USP15: variants seen among roughly 807,000 people sequenced by gnomAD.
USP15 encodes the protein ubiquitin specific peptidase 15.
A neutral mutation model predicts 127.1 loss-of-function variants in USP15; 18 were observed. The ratio of observed to expected loss-of-function variants is 0.14; its 90% CI spans 0.10 to 0.21. USP15 has a LOEUF of 0.21. Ranked by LOEUF, USP15 falls within the 10% of genes least tolerant of loss-of-function variation. The pLI, the probability that USP15 is intolerant of heterozygous loss-of-function variation, is 1.00. For synonymous variants in USP15, 364 were observed against 393.7 expected (o/e 0.92, Z 0.89); for missense variants, 805 against 1,159.9 (o/e 0.69, Z 4.44).
intron 1 of USP15, among the ~76,000 whole-genome samples, chr12:62,290,943 C>G (rs772164621): frequency 2.6e-5 from 4 of 151,968 alleles, no homozygotes; most frequent in Non-Finnish European, 5.9e-5. Context: ...AAATAGAATC[C>G]CAGTCTCTTC....
chr12:62,281,713 G>T (rs2063654763), intron 1 of USP15, among the ~76,000 whole-genome samples: 1 of 150,842 alleles, frequency 6.6e-6, no homozygotes. Flanking sequence ...GAGAAATATG[G>T]TGCCCTTTTT....
intron 20 of USP15, among the ~76,000 whole-genome samples, chr12:62,398,498 T>A (rs1008377875): frequency 6.6e-6 from 1 of 152,250 alleles, no homozygotes; most frequent in Admixed American, 6.5e-5. Flanking sequence ...ACTTCAGATT[T>A]TCATTATCTT....
Position 62,412,779 on chromosome 12 carries a change from C to T in USP15, c.*8404C>T, listed in dbSNP as rs543877494. ...TTTTCACCGCATCTGCAGTTACTGC[C>T]GCCACTGAGGTTTTGAACTTCTCAA... On this transcript the variant is annotated 3_prime_UTR_variant, in exon 22 of 22. Transcript: ENST00000280377. 3.3e-5 allele frequency: 5 copies of T among 152,262 alleles called. No homozygotes were observed. Among genetic ancestry groups the T allele is most frequent in the East Asian group, 3.9e-4 (2 of 5,194 alleles). 9.4% of individuals were successfully genotyped at this position (152,262 alleles called of 1,614,324 possible).
At chr12:62,313,745 T>TA (rs928150598) in intron 3 of USP15, among the ~76,000 whole-genome samples, 9 of 151,756 alleles carry the variant, frequency 5.9e-5, no homozygotes, top group African/African-American at 1.9e-4. Context: ...GCTACCTGTT[T>TA]AAAAAAATTG....
chr12:62,378,294 A>G (rs902955491), intron 8 of USP15, among the ~76,000 whole-genome samples: 2 of 152,190 alleles, frequency 1.3e-5, no homozygotes, highest in Non-Finnish European at 2.9e-5. Context: ...AGGGAGAAAT[A>G]TCGGACATCA....
intron 5 of USP15, 131 bp from the exon 6 acceptor site, chr12:62,325,741 C>G (rs764404888): frequency 9.1e-6 from 6 of 660,838 alleles, no homozygotes; most frequent in Non-Finnish European, 1.4e-5. Context: ...ATTACCTGTT[C>G]ACCTTGTCTA....
chr12:62,273,115 C>T (rs2063383323), intron 1 of USP15, among the ~76,000 whole-genome samples: 2 of 151,424 alleles, frequency 1.3e-5, no homozygotes, highest in Non-Finnish European at 2.9e-5. Flanking sequence ...TTAGTCATTC[C>T]TTCAACACTC....
At chr12:62,278,319 T>A (rs917735972) in intron 1 of USP15, among the ~76,000 whole-genome samples, 4 of 152,186 alleles carry the variant, frequency 2.6e-5, no homozygotes, top group Non-Finnish European at 5.9e-5. Context: ...TAACTTTTTT[T>A]TATATATAAG....
chr12:62,384,534 G>C (rs2067087573), intron 11 of USP15, among the ~76,000 whole-genome samples: 1 of 151,468 alleles, frequency 6.6e-6, no homozygotes, highest in East Asian at 1.9e-4. Flanking sequence ...TTCTCAAAAG[G>C]CTTTTTATAG....
intron 3 of USP15, among the ~76,000 whole-genome samples, chr12:62,309,991 G>A (rs2064612083): frequency 6.6e-6 from 1 of 151,878 alleles, no homozygotes; most frequent in Non-Finnish European, 1.5e-5. Flanking sequence ...CTAAAAGAGT[G>A]AATCTTGTAA....
At chr12:62,324,047 TAAAAC>T (rs1485809965) in intron 5 of USP15, among the ~76,000 whole-genome samples, 1 of 151,616 alleles carries the variant, frequency 6.6e-6, no homozygotes, top group African/African-American at 2.4e-5. Flanking sequence ...TACTAGAAAA[TAAAAC>T]AAAGACATAT....
chr12:62,385,939 C>T (rs1162090891), intron 11 of USP15, among the ~76,000 whole-genome samples: 2 of 151,922 alleles, frequency 1.3e-5, no homozygotes, highest in Non-Finnish European at 2.9e-5. Flanking sequence ...TTCTCCCATG[C>T]CAATAATATA....
chr12:62,355,825 C>A, intron 8 of USP15, among the ~76,000 whole-genome samples: 1 of 124,406 alleles, frequency 8.0e-6, no homozygotes, highest in Non-Finnish European at 1.7e-5. Context: ...CTTTTTTTTT[C>A]TTTTTTTTTT....
Position 62,355,481 on chromosome 12 carries a change from TC to T in USP15, c.915+7del. The T allele has an allele frequency of 6.3e-7, 1 of 1,579,506 alleles. No individual in the cohort carries two copies. Among genetic ancestry groups the T allele is most frequent in the Admixed American group, 1.9e-5 (1 of 51,378 alleles). ...TCATGAACTCAGCTATTCAGGTAGG[TC>T]TTTGTAAACAAAATGAAACTCATGT... On this transcript the variant is annotated splice_region_variant and intron_variant, in intron 8 of 21. Coordinates refer to ENST00000280377, the MANE Select transcript of USP15 (RefSeq NM_001252078.2).
rs541623669 is a variant in USP15, at chr12:62,359,623, T to C, written c.915+4148T>C. Among the ~76,000 whole-genome samples, 4 of 152,312 alleles carry C rather than the reference T, an allele frequency of 2.6e-5. No homozygotes were observed. In the South Asian group the frequency reaches 8.3e-4, roughly 32 times the overall value. On this transcript the variant is annotated intron_variant, in intron 8 of 21. Coordinates refer to ENST00000280377, the MANE Select transcript of USP15 (RefSeq NM_001252078.2). Reference sequence around the variant, plus strand: ...TCTGTCCTCTTTTCTTGAGTCTTTTTCCACGTGGACCTTAGTGGACTAAGA... The same window carrying C: ...TCTGTCCTCTTTTCTTGAGTCTTTTCCCACGTGGACCTTAGTGGACTAAGA...
At chr12:62,367,996 C>G (rs1423410711) in intron 8 of USP15, among the ~76,000 whole-genome samples, 1 of 152,184 alleles carries the variant, frequency 6.6e-6, no homozygotes, top group African/African-American at 2.4e-5. Flanking sequence ...CCCAGAGATT[C>G]TGGTACGTTG....
chr12:62,312,561 CAAG>C (rs1190542295), intron 3 of USP15, among the ~76,000 whole-genome samples: 1 of 151,552 alleles, frequency 6.6e-6, no homozygotes, highest in Non-Finnish European at 1.5e-5. Flanking sequence ...CCATTTTGGA[CAAG>C]GAGCCAGATT....
intron 8 of USP15, among the ~76,000 whole-genome samples, chr12:62,369,400 C>T (rs988009122): frequency 1.3e-5 from 2 of 151,942 alleles, no homozygotes. Flanking sequence ...TCCGTTTTGC[C>T]ACAGCAAAAA....
intron 6 of USP15, among the ~76,000 whole-genome samples, chr12:62,332,610 C>G (rs1341972163): frequency 6.6e-6 from 1 of 151,878 alleles, no homozygotes; most frequent in Non-Finnish European, 1.5e-5. Context: ...AAGATATGTG[C>G]TTAAGTATTG....
Sources: gnomAD v4.1 joint callset for allele counts (sites outside exome capture counted in the v4.1 genomes callset) on GRCh38, gnomAD v4.1.1 for gene constraint, MANE v1.5 for transcripts, NCBI Gene and HGNC (gene_info 2026-07-23, HGNC 2026-07-21) for gene names.